Variants in CCDC60 observed in about 807,000 individuals in gnomAD.
The protein encoded by CCDC60 is coiled-coil domain containing 60, also known as coiled-coil domain-containing protein 60.
CCDC60 carries 54 observed loss-of-function variants against 63.5 expected under a neutral mutation model. The ratio of observed to expected loss-of-function variants is 0.85; its 90% CI spans 0.68 to 1.07. The LOEUF (loss-of-function observed/expected upper bound fraction) is 1.07, where lower values mean the gene tolerates loss of function less well. Ranked by LOEUF, CCDC60 falls within the 50% of genes least tolerant of loss-of-function variation. The probability of loss-of-function intolerance (pLI) is 0.00; values close to 1 mark genes in which losing one functional copy is unlikely to be tolerated. For missense variants in CCDC60, 651 were observed against 684.3 expected, an observed-to-expected ratio of 0.95 and a Z score of 0.54; for synonymous variants, 206 against 238.8, an observed-to-expected ratio of 0.86 and a Z score of 1.27.
At chr12:119,428,442 C>T (rs1956938088) in intron 1 of CCDC60, among the ~76,000 whole-genome samples, 1 of 152,190 alleles carries the variant, frequency 6.6e-6, no homozygotes, top group Non-Finnish European at 1.5e-5. Flanking sequence ...CAAGGTCACA[C>T]AGCTGGTCAC....
intron 13 of CCDC60, 48 bp downstream of exon 13, chr12:119,531,111 C>A: frequency 1.3e-6 from 2 of 1,514,718 alleles, no homozygotes; most frequent in South Asian, 1.2e-5. Flanking sequence ...TGTCCTCATT[C>A]AATCACCTCT....
intron 1 of CCDC60, among the ~76,000 whole-genome samples, chr12:119,397,602 A>C (rs966529039): frequency 6.7e-6 from 1 of 149,240 alleles, no homozygotes; most frequent in African/African-American, 2.5e-5. Flanking sequence ...TTCCAGCTAG[A>C]CATAAAAGTT....
chr12:119,385,806 C>G (rs1016552277), intron 1 of CCDC60, among the ~76,000 whole-genome samples: 1 of 152,202 alleles, frequency 6.6e-6, no homozygotes, highest in Non-Finnish European at 1.5e-5. Context: ...CACTGCCAGT[C>G]GCTGCTCCCC....
chr12:119,339,307 A>G (rs972102354), intron 1 of CCDC60, among the ~76,000 whole-genome samples: 5 of 152,174 alleles, frequency 3.3e-5, no homozygotes, highest in African/African-American at 1.2e-4. Context: ...CAAAAGTAGC[A>G]TTTGGCAAAA....
intron 6 of CCDC60, among the ~76,000 whole-genome samples, chr12:119,502,644 A>G (rs1951883617): frequency 6.6e-6 from 1 of 152,204 alleles, no homozygotes; most frequent in Non-Finnish European, 1.5e-5. Flanking sequence ...ATTTTAATTA[A>G]TGGCAACTTT....
At chr12:119,366,809 A>T (rs1481227039) in intron 1 of CCDC60, among the ~76,000 whole-genome samples, 1 of 152,086 alleles carries the variant, frequency 6.6e-6, no homozygotes, top group African/African-American at 2.4e-5. Flanking sequence ...CCTAAGTAAG[A>T]ACAGAAGGAA....
chr12:119,389,898 G>T (rs192359089), intron 1 of CCDC60, among the ~76,000 whole-genome samples: 109 of 152,232 alleles, frequency 7.2e-4, no homozygotes, highest in African/African-American at 2.2e-3. Flanking sequence ...AATGCAAATG[G>T]AAGACAAAGA....
At chr12:119,404,979 T>G (rs932057756) in intron 1 of CCDC60, among the ~76,000 whole-genome samples, 1 of 152,222 alleles carries the variant, frequency 6.6e-6, no homozygotes, top group Non-Finnish European at 1.5e-5. Flanking sequence ...GGGTCTCTGA[T>G]TAACCCCAGG....
Position 119,520,456 on chromosome 12 carries a change from CTA to C in CCDC60, c.1040+266_1040+267del, listed in dbSNP as rs576501836. On this transcript the variant is annotated intron_variant, in intron 9 of 13. Transcript: ENST00000327554. ...GAGGTGGGGAGGACGCGGTACAAGACTATGTCTCTTTCTCTCTACTTGGGTAA... is the reference window on the plus strand; with the variant it reads ...GAGGTGGGGAGGACGCGGTACAAGACTGTCTCTTTCTCTCTACTTGGGTAA... Among the ~76,000 whole-genome samples the C allele has an allele frequency of 1.1e-4, 16 of 152,070 alleles. No individual in the cohort carries two copies. In the South Asian group the frequency reaches 3.1e-3, roughly 30 times the overall value.
chr12:119,403,709 C>T (rs865999272), intron 1 of CCDC60, among the ~76,000 whole-genome samples: 1 of 152,060 alleles, frequency 6.6e-6, no homozygotes, highest in African/African-American at 2.4e-5. Flanking sequence ...CTCCACCAAC[C>T]CTATTGCTAT....
intron 5 of CCDC60, among the ~76,000 whole-genome samples, chr12:119,490,529 A>C (rs1253946955): frequency 3.3e-5 from 5 of 152,024 alleles, no homozygotes. Flanking sequence ...ATTTCCTTGA[A>C]AACCACAGCC....
intron 1 of CCDC60, among the ~76,000 whole-genome samples, chr12:119,370,493 T>C (rs1272361117): frequency 6.6e-6 from 1 of 152,148 alleles, no homozygotes; most frequent in African/African-American, 2.4e-5. Context: ...ATCACAGGTA[T>C]GGATGGATGA....
chr12:119,518,002 G>A (rs1952400329), intron 8 of CCDC60, among the ~76,000 whole-genome samples: 2 of 152,162 alleles, frequency 1.3e-5, no homozygotes, highest in African/African-American at 4.8e-5. Flanking sequence ...CCACTGGGAT[G>A]CCAACTATGA....
intron 1 of CCDC60, among the ~76,000 whole-genome samples, chr12:119,343,088 CT>C (rs1382529196): frequency 2.0e-5 from 3 of 152,286 alleles, no homozygotes; most frequent in African/African-American, 7.2e-5. Flanking sequence ...CATATTTTTT[CT>C]CAGAGATATT....
In CCDC60 at chr12:119,456,029, AAG is replaced by A. The variant is rs1326389654; in HGVS notation, c.171-15963_171-15962del. ...AAAGAAAGAAAGAAAGAAAGAAAGA[AAG>A]AAAGAAAGAAAGAAAGAAAGAAAGA... On this transcript the variant is annotated intron_variant, in intron 2 of 13. Coordinates refer to ENST00000327554, the MANE Select transcript of CCDC60 (RefSeq NM_178499.5). The surrounding 1 kb of genome is among the most constrained non-coding windows in gnomAD (Gnocchi z 4.6). 2.2e-5 allele frequency among the ~76,000 whole-genome samples: 3 copies of A among 138,520 alleles called. No homozygotes were observed. The highest frequency in any genetic ancestry group is 5.5e-5 in the African/African-American group (2 of 36,422). The allele number at this position is 138,520 out of a possible 152,430, so 90.9% of individuals were successfully genotyped here. A position where few individuals can be genotyped will look rare whatever the true frequency, so the allele number is the denominator to read the frequency against.
At position 119,461,277 on chromosome 12, in the gene CCDC60, A is replaced by T. The variant is rs141772197; in HGVS notation, c.171-10717A>T. On this transcript the variant is annotated intron_variant, in intron 2 of 13. Coordinates refer to ENST00000327554, the MANE Select transcript of CCDC60 (RefSeq NM_178499.5). The stretch of plus-strand genomic sequence containing the variant: ...CTCCCAATAGCCCTTTGAGGGAGGA[A>T]CTAATATTTTCCCCATTTGAAGATG... 3.9e-5 allele frequency among the ~76,000 whole-genome samples: 6 copies of T among 152,212 alleles called. No homozygotes were observed. The East Asian group carries it at 1.2e-3, about 29-fold the overall frequency.
intron 8 of CCDC60, among the ~76,000 whole-genome samples, chr12:119,518,562 GATA>G (rs1317255459): frequency 6.6e-6 from 1 of 152,154 alleles, no homozygotes; most frequent in Non-Finnish European, 1.5e-5. Flanking sequence ...GTGAGAATAA[GATA>G]ATATTATCCC....
intron 2 of CCDC60, among the ~76,000 whole-genome samples, chr12:119,467,161 G>C (rs1484947033): frequency 6.6e-6 from 1 of 152,200 alleles, no homozygotes; most frequent in African/African-American, 2.4e-5. Flanking sequence ...TGCAGTCATG[G>C]AGCAGTAACA....
At chr12:119,491,088 A>G (rs1238854186) in intron 5 of CCDC60, among the ~76,000 whole-genome samples, 1 of 152,242 alleles carries the variant, frequency 6.6e-6, no homozygotes, top group African/African-American at 2.4e-5. Context: ...TAACAGAAAT[A>G]GGATCATATC....
Sources: gnomAD v4.1 joint callset for allele counts (sites outside exome capture counted in the v4.1 genomes callset) on GRCh38, gnomAD v4.1.1 for gene constraint, Gnocchi (gnomAD v3.1) non-coding constraint, MANE v1.5 for transcripts, NCBI Gene and HGNC (gene_info 2026-07-23, HGNC 2026-07-21) for gene names.